The following HSPA4L variants were observed in gnomAD, a reference collection of about 807,000 sequenced individuals.
HSPA4L encodes heat shock protein family A (Hsp70) member 4 like.
In HSPA4L, 48 loss-of-function variants were observed where a neutral mutation model predicts 100.3. The observed-to-expected ratio is 0.48, with a 90% confidence interval of 0.38 to 0.61. The LOEUF (loss-of-function observed/expected upper bound fraction) is 0.61, where lower values mean the gene tolerates loss of function less well. Among genes scored for constraint, HSPA4L ranks in the 20% least tolerant of loss-of-function variants. The pLI is 0.00. For synonymous variants in HSPA4L, 319 were observed against 328.2 expected, an observed-to-expected ratio of 0.97 and a Z score of 0.30; for missense variants, 886 against 988.6, an observed-to-expected ratio of 0.90 and a Z score of 1.39.
chr4:127,809,112 A>G (rs1337452485), intron 11 of HSPA4L: 1 of 638,098 alleles, frequency 1.6e-6, no homozygotes, highest in Non-Finnish European at 2.8e-6. Flanking sequence ...CTTGCATCCC[A>G]GGTGATTGTG....
chr4:127,805,785 T>A lies in HSPA4L; in HGVS notation c.1236T>A (p.Asp412Glu). Reference sequence around the variant, plus strand: ...TAAGGTGGAAGACCTCTTTTGAAGATGGAAGTGGGTAAGTTATTTTTAAAA... The same window carrying A: ...TAAGGTGGAAGACCTCTTTTGAAGAAGGAAGTGGGTAAGTTATTTTTAAAA... ...ITLRWKTSFE[D>E]GSGECEVFCK... Residue 412 changes from aspartate to glutamate, a missense_variant, in exon 10 of 19, where the codon GAT becomes GAA. By Grantham distance (45) the Asp-to-Glu change is conservative (BLOSUM62 2). Coordinates refer to ENST00000296464, the MANE Select transcript of HSPA4L (RefSeq NM_014278.4). 1 of 1,597,986 alleles carries A rather than the reference T, an allele frequency of 6.3e-7. No individual in the cohort carries two copies. Among genetic ancestry groups the A allele is most frequent in the Non-Finnish European group, 8.6e-7 (1 of 1,166,800 alleles).
intron 12 of HSPA4L, among the ~76,000 whole-genome samples, chr4:127,815,874 G>T (rs74692952): frequency 6.6e-6 from 1 of 152,218 alleles, no homozygotes; most frequent in East Asian, 1.9e-4. Flanking sequence ...GAACAGGTAA[G>T]CTAGTCTGAA....
chr4:127,813,425 G>T, intron 12 of HSPA4L: 1 of 407,690 alleles, frequency 2.5e-6, no homozygotes. Flanking sequence ...TTTTGTAATC[G>T]CTTTCTTATT....
chr4:127,799,394 C>G (rs926553235), intron 4 of HSPA4L, among the ~76,000 whole-genome samples: 10 of 151,980 alleles, frequency 6.6e-5, no homozygotes, highest in Non-Finnish European at 1.3e-4. Flanking sequence ...TACCATTGAC[C>G]AGGTACTATT....
At chr4:127,810,728 A>T (rs1339814409) in intron 11 of HSPA4L, among the ~76,000 whole-genome samples, 1 of 152,168 alleles carries the variant, frequency 6.6e-6, no homozygotes, top group East Asian at 1.9e-4. Context: ...ACTGCACTAC[A>T]GCCTGGATAA....
intron 1 of HSPA4L, among the ~76,000 whole-genome samples, chr4:127,785,456 A>G (rs1159346513): frequency 6.6e-6 from 1 of 151,086 alleles, no homozygotes; most frequent in Non-Finnish European, 1.5e-5. Flanking sequence ...TTTTTTTTTA[A>G]GACGTAGTCT....
chr4:127,787,892 T>C (rs1732763573), intron 1 of HSPA4L, among the ~76,000 whole-genome samples: 1 of 152,140 alleles, frequency 6.6e-6, no homozygotes, highest in Non-Finnish European at 1.5e-5. Flanking sequence ...TTTTAATATG[T>C]GGTCATTATA....
chr4:127,829,347 A>T (rs552069816), intron 17 of HSPA4L, among the ~76,000 whole-genome samples: 2 of 152,162 alleles, frequency 1.3e-5, no homozygotes, highest in East Asian at 3.9e-4. Context: ...ACTCTGAGAT[A>T]GGAAGCTGTT....
chr4:127,837,909 A>G lies in HSPA4L; in HGVS notation c.*5035A>G, dbSNP rs1020439398. On this transcript the variant is annotated 3_prime_UTR_variant, in exon 19 of 19. Coordinates refer to ENST00000296464, the MANE Select transcript of HSPA4L (RefSeq NM_014278.4). ...ACCTCCTGGGCTCAAGCCTCAAGCA[A>G]TTCTCCTGCCTCAGCCTCCCAAGTA... 1 of 152,040 alleles carries G rather than the reference A, an allele frequency of 6.6e-6. No homozygotes were observed. Among genetic ancestry groups the G allele is most frequent in the Non-Finnish European group, 1.5e-5 (1 of 68,024 alleles). The allele number at this position is 152,040 out of a possible 1,614,324, so 9.4% of individuals were successfully genotyped here.
intron 12 of HSPA4L, 35 bp downstream of exon 12, chr4:127,811,671 A>G: frequency 1.4e-6 from 2 of 1,440,790 alleles, no homozygotes; most frequent in African/African-American, 1.4e-5. Flanking sequence ...TTCTTGTAAT[A>G]GATAGTGTAT....
At chr4:127,802,934 ATTCT>A (rs1175070405) in intron 6 of HSPA4L, among the ~76,000 whole-genome samples, 1 of 152,022 alleles carries the variant, frequency 6.6e-6, no homozygotes, top group Non-Finnish European at 1.5e-5. Context: ...CAACAGTAGG[ATTCT>A]TTATTAGTGA....
At chr4:127,824,490 G>A (rs115003399) in intron 16 of HSPA4L, among the ~76,000 whole-genome samples, 2,158 of 152,294 alleles carry the variant, frequency 0.014, 53 homozygotes, top group African/African-American at 0.05. Context: ...ATTGAAATCA[G>A]ATATTGTATA....
intron 14 of HSPA4L, among the ~76,000 whole-genome samples, chr4:127,822,096 A>AC (rs1168041440): frequency 9.9e-5 from 15 of 152,158 alleles, no homozygotes; most frequent in Non-Finnish European, 2.1e-4. Context: ...AATTACATTC[A>AC]CCATACTGTG....
At chr4:127,812,559 T>C (rs1733564265) in intron 12 of HSPA4L, among the ~76,000 whole-genome samples, 1 of 152,180 alleles carries the variant, frequency 6.6e-6, no homozygotes, top group Non-Finnish European at 1.5e-5. Context: ...TTATGTGTGC[T>C]CCTCATGAAT....
chr4:127,802,989 A>G (rs1733235628), intron 6 of HSPA4L, among the ~76,000 whole-genome samples: 1 of 152,068 alleles, frequency 6.6e-6, no homozygotes, highest in East Asian at 1.9e-4. Flanking sequence ...GAGAGCCTAG[A>G]TGTTTGGTCC....
chr4:127,823,494 G>A (rs189199429), intron 15 of HSPA4L, 23 bp from the exon 16 acceptor site: 1 of 1,469,394 alleles, frequency 6.8e-7, no homozygotes, highest in African/African-American at 1.4e-5. Context: ...TTTTTAATTA[G>A]TGTCTCTCAA....
At chr4:127,801,457 ACGTGTGTG>A (rs1254757861) in intron 5 of HSPA4L, among the ~76,000 whole-genome samples, 5 of 133,352 alleles carry the variant, frequency 3.7e-5, no homozygotes, top group African/African-American at 1.6e-4. Context: ...ATATAAAAAT[ACGTGTGTG>A]TGTGTGTGTG....
chr4:127,800,043 A>T (rs1355113516), intron 4 of HSPA4L, among the ~76,000 whole-genome samples: 1 of 152,230 alleles, frequency 6.6e-6, no homozygotes, highest in African/African-American at 2.4e-5. Flanking sequence ...ATGTAAATAC[A>T]CTTAATAGCT....
At chr4:127,787,250 C>CG (rs537501657) in intron 1 of HSPA4L, among the ~76,000 whole-genome samples, 375 of 152,186 alleles carry the variant, frequency 2.5e-3, no homozygotes, top group Non-Finnish European at 4.8e-3. Flanking sequence ...AATGCCAAAT[C>CG]GGGGGGTTAA....
Sources: gnomAD v4.1 joint callset for allele counts (sites outside exome capture counted in the v4.1 genomes callset) on GRCh38, gnomAD v4.1.1 for gene constraint, MANE v1.5 for transcripts, NCBI Gene and HGNC (gene_info 2026-07-23, HGNC 2026-07-21) for gene names.